OSTF1: variants seen among roughly 807,000 people sequenced by gnomAD.
OSTF1 encodes the protein osteoclast-stimulating factor 1.
Under a neutral mutation model 37.2 loss-of-function variants are expected in OSTF1, and 27 were observed. That is an observed-to-expected ratio of 0.73 (90% CI 0.54 to 1.00). The LOEUF (loss-of-function observed/expected upper bound fraction) is 1.00, where lower values mean the gene tolerates loss of function less well. OSTF1 is among the 50% of genes least tolerant of loss of function. OSTF1 has a pLI of 0.00. For synonymous variants in OSTF1, 82 were observed against 89.2 expected (o/e 0.92, Z 0.46); for missense variants, 232 against 253.8 (o/e 0.91, Z 0.58).
intron 1 of OSTF1, among the ~76,000 whole-genome samples, chr9:75,108,061 C>A (rs551429503): frequency 6.6e-6 from 1 of 151,784 alleles, no homozygotes; most frequent in African/African-American, 2.4e-5. Flanking sequence ...ACATGACTCC[C>A]GTCTCTACAA....
chr9:75,145,177 AATCT>A (rs1554774951), intron 9 of OSTF1, among the ~76,000 whole-genome samples: 2 of 148,944 alleles, frequency 1.3e-5, no homozygotes, highest in Non-Finnish European at 3.0e-5. Context: ...CTATCTATCT[AATCT>A]ATCTATCGGT....
chr9:75,142,942 CTT>C (rs35793257), intron 9 of OSTF1, among the ~76,000 whole-genome samples: 14 of 141,594 alleles, frequency 9.9e-5, no homozygotes, highest in Non-Finnish European at 1.1e-4. Flanking sequence ...TTGTTGTCCA[CTT>C]TTTTTTTTTT....
chr9:75,092,610 A>G (rs1230138809), intron 1 of OSTF1, among the ~76,000 whole-genome samples: 3 of 152,198 alleles, frequency 2.0e-5, no homozygotes, highest in Non-Finnish European at 2.9e-5. Context: ...AAGGTAAACA[A>G]TAAATATATA....
intron 1 of OSTF1, among the ~76,000 whole-genome samples, chr9:75,096,751 C>T (rs537901036): frequency 8.5e-4 from 130 of 152,282 alleles, no homozygotes; most frequent in Middle Eastern, 3.4e-3. Flanking sequence ...GGGGAGAAGA[C>T]GCTTCCAAAC....
At chr9:75,127,485 G>C in intron 2 of OSTF1, 84 bp from the exon 3 acceptor site, 1 of 736,554 alleles carries the variant, frequency 1.4e-6, no homozygotes, top group Non-Finnish European at 2.3e-6. Context: ...TTGCTTATTA[G>C]AATATGATAG....
intron 7 of OSTF1, 45 bp downstream of exon 7, chr9:75,134,440 T>C (rs1294508424): frequency 9.8e-7 from 1 of 1,016,350 alleles, no homozygotes; most frequent in Non-Finnish European, 1.5e-6. Flanking sequence ...ACCTGCTTGT[T>C]GTCTTTAGTA....
At chr9:75,107,671 T>C (rs755569364) in intron 1 of OSTF1, among the ~76,000 whole-genome samples, 3 of 152,250 alleles carry the variant, frequency 2.0e-5, no homozygotes, top group African/African-American at 7.2e-5. Context: ...CAGTAAGATA[T>C]GTATTTTTCT....
intron 9 of OSTF1, among the ~76,000 whole-genome samples, chr9:75,144,651 T>G (rs76062020): frequency 0.069 from 10,475 of 152,146 alleles, 569 homozygotes; most frequent in African/African-American, 0.15. Flanking sequence ...TCTTTTCTTT[T>G]TCTCAATAAT....
At chr9:75,119,009 A>G (rs1030817841) in intron 2 of OSTF1, among the ~76,000 whole-genome samples, 1 of 152,200 alleles carries the variant, frequency 6.6e-6, no homozygotes, top group African/African-American at 2.4e-5. Flanking sequence ...TGCCCGCTTC[A>G]CCTGGGTTTG....
At chr9:75,135,641 A>G (rs1309520939) in intron 7 of OSTF1, among the ~76,000 whole-genome samples, 2 of 152,054 alleles carry the variant, frequency 1.3e-5, no homozygotes, top group Non-Finnish European at 1.5e-5. Flanking sequence ...TTAGTTTTCT[A>G]TTGCTGCCTA....
At chr9:75,093,826 C>T (rs1193637875) in intron 1 of OSTF1, among the ~76,000 whole-genome samples, 1 of 152,056 alleles carries the variant, frequency 6.6e-6, no homozygotes, top group African/African-American at 2.4e-5. Context: ...CTTTTTATAC[C>T]TGTTGGCAGA....
intron 6 of OSTF1, among the ~76,000 whole-genome samples, 191 bp from the exon 7 acceptor site, chr9:75,134,155 A>G (rs1220821408): frequency 1.3e-5 from 2 of 152,214 alleles, no homozygotes; most frequent in East Asian, 3.8e-4. Context: ...ACTATTAGAA[A>G]AAGTATATTT....
chr9:75,126,579 T>TTTTG (rs572474853), intron 2 of OSTF1, among the ~76,000 whole-genome samples: 1 of 152,128 alleles, frequency 6.6e-6, no homozygotes, highest in Non-Finnish European at 1.5e-5. Context: ...TTTTGGTTGT[T>TTTTG]TTTGTTTGTT....
intron 3 of OSTF1, among the ~76,000 whole-genome samples, chr9:75,127,881 T>C (rs1825685798): frequency 6.6e-6 from 1 of 151,958 alleles, no homozygotes; most frequent in African/African-American, 2.4e-5. Flanking sequence ...TATGCTATTA[T>C]GAAGTAATTT....
chr9:75,139,959 A>G lies in OSTF1; in HGVS notation c.488-875A>G, dbSNP rs565534829. On this transcript the variant is annotated intron_variant, in intron 8 of 9. Coordinates refer to ENST00000346234, the MANE Select transcript of OSTF1 (RefSeq NM_012383.5). The stretch of plus-strand genomic sequence containing the variant: ...GGATGTTCACTGGAGTATTTGTGAT[A>G]ATGAAAATTAGGAGTAGCCTAAGTG... 8.9e-4 allele frequency among the ~76,000 whole-genome samples: 136 copies of G among 152,330 alleles called. 3 individuals are homozygous for G. The highest frequency in any genetic ancestry group is 8.8e-3 in the Admixed American group (134 of 15,294).
chr9:75,104,788 CA>C (rs1825255586), intron 1 of OSTF1, among the ~76,000 whole-genome samples: 1 of 152,166 alleles, frequency 6.6e-6, no homozygotes, highest in Non-Finnish European at 1.5e-5. Flanking sequence ...CAGTGTCATT[CA>C]GTCCCTGGGT....
At chr9:75,125,092 A>G (rs1564163623) in intron 2 of OSTF1, among the ~76,000 whole-genome samples, 1 of 152,062 alleles carries the variant, frequency 6.6e-6, no homozygotes, top group Admixed American at 6.6e-5. Context: ...CACATATCCT[A>G]TTTTCCTGAC....
chr9:75,129,917 T>C (rs1259638404), intron 3 of OSTF1, among the ~76,000 whole-genome samples: 3 of 152,206 alleles, frequency 2.0e-5, no homozygotes, highest in Non-Finnish European at 4.4e-5. Flanking sequence ...TTTTAAGCTG[T>C]GATAATGGCA....
intron 8 of OSTF1, among the ~76,000 whole-genome samples, chr9:75,139,061 T>TCTTTCTTTTC (rs1825895719): frequency 2.8e-5 from 4 of 141,062 alleles, no homozygotes; most frequent in Admixed American, 7.0e-5. Flanking sequence ...TTTCTTTTTT[T>TCTTTCTTTTC]TTTGAAACTG....
Sources: gnomAD v4.1 joint callset for allele counts (sites outside exome capture counted in the v4.1 genomes callset) on GRCh38, gnomAD v4.1.1 for gene constraint, MANE v1.5 for transcripts, NCBI Gene and HGNC (gene_info 2026-07-23, HGNC 2026-07-21) for gene names.